Variants in SEMA3D observed in about 807,000 individuals in gnomAD.
SEMA3D encodes semaphorin-3D.
A neutral mutation model predicts 100.1 loss-of-function variants in SEMA3D; 84 were observed. The ratio of observed to expected loss-of-function variants is 0.84; its 90% CI spans 0.70 to 1.01. The LOEUF is 1.01. Ranked by LOEUF, SEMA3D falls within the 50% of genes least tolerant of loss-of-function variation. The pLI, the probability that SEMA3D is intolerant of heterozygous loss-of-function variation, is 0.00. For synonymous variants in SEMA3D, 312 were observed against 320.7 expected (o/e 0.97, Z 0.29); for missense variants, 875 against 934.1 (o/e 0.94, Z 0.82).
Position 85,015,088 on chromosome 7 carries a change from T to C in SEMA3D, c.1674A>G (p.Ala558=), listed in dbSNP as rs1244242715. 6.2e-7 allele frequency: 1 copy of C among 1,611,612 alleles called. No individual in the cohort carries two copies. The highest frequency in any genetic ancestry group is 8.5e-7 in the Non-Finnish European group (1 of 1,178,408). ...TAGAAGTAGGAGCATATCGAGAGCATGCATTTCCATCCCAGGCACAGTAGG... is the reference window on the plus strand; with the variant it reads ...TAGAAGTAGGAGCATATCGAGAGCACGCATTTCCATCCCAGGCACAGTAGG... ...RDPYCAWDGN[A]CSRYAPTSKR... is the part of the protein sequence containing the mutation. The change falls in exon 16 of 19, where the codon GCA becomes GCG. Residue 558 remains alanine (A), a synonymous_variant. Coordinates refer to ENST00000284136, the MANE Select transcript of SEMA3D (RefSeq NM_001384900.1).
intron 2 of SEMA3D, among the ~76,000 whole-genome samples, chr7:85,123,245 A>C (rs1190409925): frequency 6.6e-6 from 1 of 152,090 alleles, no homozygotes; most frequent in Admixed American, 6.6e-5. Context: ...CTCCTGCCAG[A>C]GTCTTCAACT....
At position 84,997,726 on chromosome 7, in the gene SEMA3D, A is replaced by ATCTT. The variant is rs1418492736; in HGVS notation, c.*1713_*1714insAAGA. 3 of 151,844 alleles carry ATCTT rather than the reference A, an allele frequency of 2.0e-5. No individual in the cohort carries two copies. The highest frequency in any genetic ancestry group is 2.9e-5 in the Non-Finnish European group (2 of 67,976). 9.4% of individuals were successfully genotyped at this position (151,844 alleles called of 1,614,324 possible). A position where few individuals can be genotyped will look rare whatever the true frequency, so the allele number is the denominator to read the frequency against. On this transcript the variant is annotated 3_prime_UTR_variant, in exon 19 of 19. Transcript: ENST00000284136. ...TTTTCTCACAGACTTTTCTTTCAAGATATGTAGAATGCATGAGAAACGAGC... is the reference window on the plus strand; with the variant it reads ...TTTTCTCACAGACTTTTCTTTCAAGATCTTTATGTAGAATGCATGAGAAACGAGC...
chr7:85,074,790 G>A (rs775825415), intron 5 of SEMA3D, among the ~76,000 whole-genome samples: 4 of 151,736 alleles, frequency 2.6e-5, no homozygotes, highest in Admixed American at 6.6e-5. Flanking sequence ...GGTAATTTTC[G>A]TGTTTTTTTT....
At chr7:85,041,396 AC>A (rs1230330545) in intron 10 of SEMA3D, 1 of 151,852 alleles carries the variant, frequency 6.6e-6, no homozygotes, top group Non-Finnish European at 1.5e-5. Flanking sequence ...GAAAATAGCT[AC>A]CCCCAAATTA....
intron 1 of SEMA3D, among the ~76,000 whole-genome samples, chr7:85,185,783 C>T (rs2011449): frequency 0.66 from 101,093 of 152,068 alleles, 34,335 homozygotes; most frequent in East Asian, 0.92. Flanking sequence ...GAAAACGGCC[C>T]GTGCGCTACC....
At chr7:85,237,722 G>A in the SEMA3D span, among the ~76,000 whole-genome samples, 3 of 152,134 alleles carry the variant, frequency 2.0e-5, no homozygotes, top group African/African-American at 7.2e-5. Context: ...TTTGACAATT[G>A]AGGATAACGC....
At chr7:85,065,686 AC>A in intron 7 of SEMA3D, 134 bp from the exon 8 acceptor site, 1 of 664,748 alleles carries the variant, frequency 1.5e-6, no homozygotes, top group Non-Finnish European at 2.4e-6. Context: ...CATAAATTTC[AC>A]AGATTTTGAA....
intron 1 of SEMA3D, among the ~76,000 whole-genome samples, chr7:85,184,407 A>T (rs952040428): frequency 7.3e-5 from 11 of 151,544 alleles, no homozygotes. Context: ...CAGCAATACA[A>T]TTTTTTTTTA....
At chr7:85,106,633 C>A (rs1027933434) in intron 3 of SEMA3D, among the ~76,000 whole-genome samples, 7 of 151,926 alleles carry the variant, frequency 4.6e-5, no homozygotes, top group Admixed American at 4.6e-4. Context: ...ATGTCTCATG[C>A]CATCTGTAGT....
rs1789562085 is a variant in SEMA3D at position 84,998,442 on chromosome 7, G to T, written c.*998C>A. On this transcript the variant is annotated 3_prime_UTR_variant, in exon 19 of 19. Coordinates refer to ENST00000284136, the MANE Select transcript of SEMA3D (RefSeq NM_001384900.1). ...TTTGCTAGCAGTTTGTTATAATCTA[G>T]ATTTTTTTTAACAGATGAATTACAA... is the stretch of plus-strand genomic sequence containing the variant. The T allele has an allele frequency of 6.6e-6, 1 of 151,984 alleles. No homozygotes were observed. Among genetic ancestry groups the T allele is most frequent in the Non-Finnish European group, 1.5e-5 (1 of 67,964 alleles). 9.4% of individuals were successfully genotyped at this position (151,984 alleles called of 1,614,324 possible). A position where few individuals can be genotyped will look rare whatever the true frequency, so the allele number is the denominator to read the frequency against.
the SEMA3D span, among the ~76,000 whole-genome samples, chr7:85,197,361 G>C: frequency 6.6e-6 from 1 of 152,070 alleles, no homozygotes; most frequent in Non-Finnish European, 1.5e-5. Context: ...ATCTTAACCT[G>C]AATGTTTCCT....
Position 84,996,323 on chromosome 7 carries a change from A to T in SEMA3D, c.*3117T>A, listed in dbSNP as rs1187903078. On this transcript the variant is annotated 3_prime_UTR_variant, in exon 19 of 19. Transcript: ENST00000284136. Reference sequence around the variant, plus strand: ...AATATGAAGAACCAAAATATGAACCAAAAGCAAAATTCAAGAGTAAGACCA... The same window carrying T: ...AATATGAAGAACCAAAATATGAACCTAAAGCAAAATTCAAGAGTAAGACCA... 2.0e-5 allele frequency: 3 copies of T among 152,034 alleles called. No individual in the cohort carries two copies. The highest frequency in any genetic ancestry group is 4.4e-5 in the Non-Finnish European group (3 of 67,894). The allele number at this position is 152,034 out of a possible 1,614,324, so 9.4% of individuals were successfully genotyped here.
intron 8 of SEMA3D, among the ~76,000 whole-genome samples, chr7:85,057,671 G>T (rs745859351): frequency 6.6e-6 from 1 of 152,112 alleles, no homozygotes; most frequent in Non-Finnish European, 1.5e-5. Flanking sequence ...GGTGGCTCAC[G>T]CTTATAATCC....
chr7:85,151,396 C>T (rs568894161), intron 2 of SEMA3D, among the ~76,000 whole-genome samples: 185 of 151,824 alleles, frequency 1.2e-3, no homozygotes, highest in African/African-American at 4.3e-3. Flanking sequence ...TTTCCCAACC[C>T]CAAATTAAAA....
chr7:85,086,333 G>A (rs1269476547), intron 4 of SEMA3D, among the ~76,000 whole-genome samples: 1 of 151,804 alleles, frequency 6.6e-6, no homozygotes, highest in Admixed American at 6.6e-5. Flanking sequence ...TCATTAAAGA[G>A]ATTTTTTTTA....
At chr7:85,082,546 G>A (rs979111826) in intron 4 of SEMA3D, among the ~76,000 whole-genome samples, 1 of 152,054 alleles carries the variant, frequency 6.6e-6, no homozygotes, top group Non-Finnish European at 1.5e-5. Context: ...AGGAGTTCCC[G>A]ATAGACTTTT....
chr7:85,241,513 AGAAAT>A, the SEMA3D span, among the ~76,000 whole-genome samples: 1 of 144,272 alleles, frequency 6.9e-6, no homozygotes, highest in Admixed American at 7.0e-5. Context: ...CAGCAATAAA[AGAAAT>A]GAATTAATGG....
At chr7:85,225,835 G>A in the SEMA3D span, among the ~76,000 whole-genome samples, 7 of 152,222 alleles carry the variant, frequency 4.6e-5, 1 homozygote, top group South Asian at 1.5e-3. Context: ...CGGCCAGGGG[G>A]ACAAGGGAAT....
In SEMA3D at chr7:85,106,716, C is replaced by G. The variant is rs541224306; in HGVS notation, c.152-8751G>C. On this transcript the variant is annotated intron_variant, in intron 3 of 18. Transcript: ENST00000284136. ...TATAAAGAAAAACTGGTTTAATTAA[C>G]TCACAGTTCCGTATGGCTGGGGAGG... is the stretch of plus-strand genomic sequence containing the variant. Among the ~76,000 whole-genome samples the G allele has an allele frequency of 6.6e-5, 10 of 152,138 alleles. No homozygotes were observed. The East Asian group carries it at 1.8e-3, about 27-fold the overall frequency.
Sources: gnomAD v4.1 joint callset for allele counts (sites outside exome capture counted in the v4.1 genomes callset) on GRCh38, gnomAD v4.1.1 for gene constraint, MANE v1.5 for transcripts, NCBI Gene and HGNC (gene_info 2026-07-23, HGNC 2026-07-21) for gene names.